Variants in DSTYK observed in about 807,000 individuals in gnomAD.
DSTYK encodes the protein RIP-homologous kinase.
Under a neutral mutation model 98.7 loss-of-function variants are expected in DSTYK, and 34 were observed. The observed-to-expected ratio is 0.34, with a 90% CI of 0.26 to 0.46. The LOEUF is 0.46. Ranked by LOEUF, DSTYK falls within the 20% of genes least tolerant of loss-of-function variation. The probability of loss-of-function intolerance (pLI) is 1.00; values close to 1 mark genes in which losing one functional copy is unlikely to be tolerated. For missense variants in DSTYK, 962 were observed against 1,181.7 expected (o/e 0.81, Z 2.73); for synonymous variants, 462 against 457.3 (o/e 1.01, Z -0.13).
At chr1:205,171,288 T>C (rs1252474864) in intron 2 of DSTYK, among the ~76,000 whole-genome samples, 1 of 151,758 alleles carries the variant, frequency 6.6e-6, no homozygotes, top group Non-Finnish European at 1.5e-5. Flanking sequence ...CCATCTGTAC[T>C]AAAAATACAA....
chr1:205,153,230 C>T (rs564318267), intron 10 of DSTYK, among the ~76,000 whole-genome samples: 1 of 152,188 alleles, frequency 6.6e-6, no homozygotes, highest in East Asian at 1.9e-4. Context: ...TTAAGTATTG[C>T]CAGAAACAAC....
chr1:205,177,640 G>A (rs1386011093), intron 2 of DSTYK, among the ~76,000 whole-genome samples: 1 of 152,144 alleles, frequency 6.6e-6, no homozygotes, highest in Non-Finnish European at 1.5e-5. Flanking sequence ...GCCAAGGCGG[G>A]TGAATCACTT....
rs960155112 is a variant in DSTYK, at chr1:205,208,358, CA to C, written c.265+2912del. ...TATGGCATTACAAATGGTATATAGA[CA>C]TGAAAATTGTTTTACTATTGTTACC... On this transcript the variant is annotated intron_variant, in intron 1 of 12. Coordinates refer to ENST00000367162, the MANE Select transcript of DSTYK (RefSeq NM_015375.3). Among the ~76,000 whole-genome samples, 27 of 152,120 alleles carry C rather than the reference CA, an allele frequency of 1.8e-4. 1 individual carries two copies. Among genetic ancestry groups the C allele is most frequent in the Non-Finnish European group, 1.5e-5 (1 of 68,016 alleles).
chr1:205,154,188 C>T (rs1158388778), intron 10 of DSTYK, among the ~76,000 whole-genome samples: 2 of 151,630 alleles, frequency 1.3e-5, no homozygotes, highest in Non-Finnish European at 2.9e-5. Context: ...ATAAGTTTAA[C>T]ATTTTTCAAA....
chr1:205,177,478 C>A (rs1658265662), intron 2 of DSTYK, among the ~76,000 whole-genome samples: 1 of 152,148 alleles, frequency 6.6e-6, no homozygotes, highest in Non-Finnish European at 1.5e-5. Context: ...AGGGCTGATT[C>A]TTTTTCATTT....
In DSTYK at chr1:205,161,330, G is replaced by A. The variant is rs752673167; in HGVS notation, c.1876C>T (p.Arg626Trp). ...EKTEDLWLRV[R>W]KDHAPRLARL... ...GCCAGGCGGGGAGCATGATCTTTCC[G>A]AACCCTCAGCCATAGATCTTCCGTT... is the stretch of plus-strand genomic sequence containing the variant. The change falls in exon 7 of 13, where the codon CGG becomes TGG. Residue 626 changes from arginine to tryptophan, a missense_variant. By Grantham distance (101) the Arg-to-Trp change is moderately radical (BLOSUM62 -3). Coordinates refer to ENST00000367162, the MANE Select transcript of DSTYK (RefSeq NM_015375.3). 3.1e-6 allele frequency: 5 copies of A among 1,614,114 alleles called. No individual in the cohort carries two copies. The highest frequency in any genetic ancestry group is 4.2e-6 in the Non-Finnish European group (5 of 1,180,006).
intron 1 of DSTYK, among the ~76,000 whole-genome samples, chr1:205,204,151 A>G (rs1446815631): frequency 1.3e-5 from 2 of 152,166 alleles, no homozygotes; most frequent in East Asian, 1.9e-4. Flanking sequence ...GTAGTGCCAC[A>G]TTATACTCAT....
chr1:205,155,495 C>T (rs1392568691), intron 10 of DSTYK, among the ~76,000 whole-genome samples: 2 of 151,544 alleles, frequency 1.3e-5, no homozygotes, highest in Admixed American at 1.3e-4. Context: ...ATGGCAAAAC[C>T]CTGTCTCTAC....
At chr1:205,170,796 G>C (rs1469378344) in intron 2 of DSTYK, among the ~76,000 whole-genome samples, 1 of 152,066 alleles carries the variant, frequency 6.6e-6, no homozygotes, top group African/African-American at 2.4e-5. Context: ...TAGGGTACAG[G>C]GGGTGGATTC....
At chr1:205,207,293 G>A (rs1012414395) in intron 1 of DSTYK, among the ~76,000 whole-genome samples, 7 of 150,890 alleles carry the variant, frequency 4.6e-5, no homozygotes, top group African/African-American at 7.3e-5. Context: ...TGGCCAGGCT[G>A]GTCTCGAACT....
At chr1:205,176,393 T>C (rs941089732) in intron 2 of DSTYK, among the ~76,000 whole-genome samples, 2 of 147,534 alleles carry the variant, frequency 1.4e-5, no homozygotes, top group Non-Finnish European at 3.0e-5. Context: ...GGAGAATTGC[T>C]TGAGCCCAGG....
In DSTYK at chr1:205,170,879, C is replaced by T. The variant is rs1004927524; in HGVS notation, c.655-1047G>A. ...ACAGATGTGACAGCTAGAACAGCAG[C>T]GATCACTCAGCAGCCCTAAGGCAAA... is the stretch of plus-strand genomic sequence containing the variant. On this transcript the variant is annotated intron_variant, in intron 2 of 12. Coordinates refer to ENST00000367162, the MANE Select transcript of DSTYK (RefSeq NM_015375.3). 2.0e-5 allele frequency among the ~76,000 whole-genome samples: 3 copies of T among 151,930 alleles called. No individual in the cohort carries two copies. The East Asian group carries it at 5.8e-4, about 29-fold the overall frequency.
chr1:205,191,066 T>G (rs547044974), intron 1 of DSTYK, among the ~76,000 whole-genome samples: 2 of 152,252 alleles, frequency 1.3e-5, no homozygotes, highest in African/African-American at 2.4e-5. Flanking sequence ...AAATGAACAC[T>G]TCCCCCCTCC....
chr1:205,158,196 T>C (rs1463662094), intron 9 of DSTYK, among the ~76,000 whole-genome samples: 2 of 152,206 alleles, frequency 1.3e-5, no homozygotes, highest in East Asian at 3.8e-4. Flanking sequence ...CATCAGACAA[T>C]GCTTAACTCC....
In DSTYK at chr1:205,150,697, G is replaced by C. The variant is rs937338803; in HGVS notation, c.2450C>G (p.Ala817Gly). The change falls in exon 11 of 13, where the codon GCC (alanine) becomes GGC (glycine). Residue 817 changes from alanine (A) to glycine (G), a missense_variant. Coordinates refer to ENST00000367162, the MANE Select transcript of DSTYK (RefSeq NM_015375.3). This position sits in a 1 kb window ranked among gnomAD's most constrained non-coding sequence, Gnocchi z 4.1. ...AGCCTTACCTGTGAAAAGTTCAGGG[G>C]CCATATGGATTGGTGTCCCCACAAT... The part of the protein sequence containing the change: ...GSIVGTPIHM[A>G]PELFTGKYDN... The C allele has an allele frequency of 1.9e-6, 3 of 1,613,670 alleles. No individual in the cohort carries two copies. In the African/African-American group the frequency reaches 4.0e-5, roughly 22 times the overall value.
In DSTYK at chr1:205,182,498, T is replaced by TAAAA. The variant is rs386369411; in HGVS notation, c.654+4916_654+4919dup. On this transcript the variant is annotated intron_variant, in intron 2 of 12. Transcript: ENST00000367162. ...TCCCATTGGTTAGAGTTAAAAACGGTAAAAAAAAAAAAAAAAAAAAAAAAA... is the reference window on the plus strand; with the variant it reads ...TCCCATTGGTTAGAGTTAAAAACGGTAAAAAAAAAAAAAAAAAAAAAAAAAAAAA... Among the ~76,000 whole-genome samples, 110 of 77,746 alleles carry TAAAA rather than the reference T, an allele frequency of 1.4e-3. 3 individuals are homozygous for TAAAA. The highest frequency in any genetic ancestry group is 2.8e-3 in the South Asian group (5 of 1,796). 51.0% of individuals were successfully genotyped at this position (77,746 alleles called of 152,430 possible).
At chr1:205,206,947 A>T (rs951800942) in intron 1 of DSTYK, among the ~76,000 whole-genome samples, 12 of 152,248 alleles carry the variant, frequency 7.9e-5, no homozygotes, top group African/African-American at 2.9e-4. Flanking sequence ...CTATTTCCAG[A>T]TGAGGAAATA....
In DSTYK at chr1:205,161,238, T is replaced by C. The variant is rs1281722282; in HGVS notation, c.1948+20A>G. The C allele has an allele frequency of 6.2e-7, 1 of 1,613,394 alleles. No homozygotes were observed. Among genetic ancestry groups the C allele is most frequent in the Admixed American group, 1.7e-5 (1 of 59,882 alleles). On this transcript the variant is annotated intron_variant, in intron 7 of 12. Transcript: ENST00000367162. ...ATCCTGAACCATCCTCCAGTTTATCTAGAAGAAAACCAGACTCACGATGAA... is the reference window on the plus strand; with the variant it reads ...ATCCTGAACCATCCTCCAGTTTATCCAGAAGAAAACCAGACTCACGATGAA...
At chr1:205,189,301 G>T (rs1342624678) in intron 1 of DSTYK, among the ~76,000 whole-genome samples, 1 of 152,184 alleles carries the variant, frequency 6.6e-6, no homozygotes, top group Non-Finnish European at 1.5e-5. Context: ...TCCGAAATTA[G>T]TTCACTGAAA....
Sources: gnomAD v4.1 joint callset for allele counts (sites outside exome capture counted in the v4.1 genomes callset) on GRCh38, gnomAD v4.1.1 for gene constraint, Gnocchi (gnomAD v3.1) non-coding constraint, MANE v1.5 for transcripts, NCBI Gene and HGNC (gene_info 2026-07-23, HGNC 2026-07-21) for gene names.